PCDHA2: variants seen among roughly 807,000 people sequenced by gnomAD.
The protein encoded by PCDHA2 is protocadherin alpha 2.
PCDHA2 carries 58 observed loss-of-function variants against 66.0 expected under a neutral mutation model. That is an observed-to-expected ratio of 0.88 (90% confidence interval 0.71 to 1.09). PCDHA2 has a LOEUF of 1.09. PCDHA2 is among the 50% of genes least tolerant of loss of function. PCDHA2 has a pLI of 0.00. For missense variants in PCDHA2, 1,267 were observed against 1,242.3 expected, an observed-to-expected ratio of 1.02 and a Z score of -0.30; for synonymous variants, 634 against 554.0, an observed-to-expected ratio of 1.14 and a Z score of -2.03.
At position 140,797,176 on chromosome 5, in the gene PCDHA2, A is replaced by G. The variant is rs532139420; in HGVS notation, c.2212A>G (p.Thr738Ala). The change falls in exon 1 of 4, where the codon ACG (threonine) becomes GCG (alanine). Residue 738 changes from threonine (T) to alanine (A), a missense_variant. Transcript: ENST00000526136. ...GGGTGCGCGCGCGCCAGGAAAGCCCACGCTGGTGTGCTCCAGCGCCGTGGG... is the reference window on the plus strand; with the variant it reads ...GGGTGCGCGCGCGCCAGGAAAGCCCGCGCTGGTGTGCTCCAGCGCCGTGGG... ...TEGARAPGKPTLVCSSAVGSW... is the reference protein window; with the variant it reads ...TEGARAPGKPALVCSSAVGSW... The G allele has an allele frequency of 6.2e-7, 1 of 1,614,082 alleles. No individual in the cohort carries two copies. Among genetic ancestry groups the G allele is most frequent in the Non-Finnish European group, 8.5e-7 (1 of 1,180,032 alleles).
intron 1 of PCDHA2, among the ~76,000 whole-genome samples, chr5:140,912,874 G>T (rs2076102653): frequency 6.6e-6 from 1 of 152,026 alleles, no homozygotes; most frequent in Non-Finnish European, 1.5e-5. Context: ...TATGGTTTTT[G>T]GTCTTCATTC....
intron 1 of PCDHA2, chr5:140,853,122 T>A: frequency 1.9e-6 from 1 of 528,258 alleles, no homozygotes; most frequent in Non-Finnish European, 2.5e-6. Flanking sequence ...CTCATGATCC[T>A]CCCGCCTCAG....
intron 3 of PCDHA2, among the ~76,000 whole-genome samples, chr5:141,004,872 C>T (rs1242067093): frequency 6.6e-6 from 1 of 152,042 alleles, no homozygotes; most frequent in Non-Finnish European, 1.5e-5. Context: ...GTTTCTCATC[C>T]CTAAAGTGCT....
chr5:140,962,155 G>A (rs977043867), intron 1 of PCDHA2, among the ~76,000 whole-genome samples: 8 of 152,060 alleles, frequency 5.3e-5, no homozygotes, highest in South Asian at 2.1e-4. Flanking sequence ...GATTACAGGC[G>A]TGAGCCACCA....
chr5:141,007,915 A>G (rs561873534), intron 3 of PCDHA2, among the ~76,000 whole-genome samples: 5 of 152,308 alleles, frequency 3.3e-5, no homozygotes, highest in South Asian at 2.1e-4. Flanking sequence ...TGAAGATGCT[A>G]TATAAGCTGG....
At chr5:140,841,726 A>G (rs1777447763) in intron 1 of PCDHA2, 1 of 1,613,794 alleles carries the variant, frequency 6.2e-7, no homozygotes, top group African/African-American at 1.3e-5. Flanking sequence ...TGTTCCGGGT[A>G]AAAGACCAAA....
intron 1 of PCDHA2, among the ~76,000 whole-genome samples, chr5:140,961,280 C>G (rs246003): frequency 0.56 from 85,679 of 152,048 alleles, 24,751 homozygotes; most frequent in African/African-American, 0.69. Flanking sequence ...TACCATGGCT[C>G]TGTTTCTTGA....
intron 1 of PCDHA2, chr5:140,875,190 C>T (rs2055337617): frequency 4.0e-6 from 2 of 496,884 alleles, no homozygotes; most frequent in Admixed American, 4.0e-5. Flanking sequence ...TTAAGAGTGA[C>T]CCAGGAAGTG....
At position 140,969,519 on chromosome 5, in the gene PCDHA2, G is replaced by A. The variant is rs1586385280; in HGVS notation, c.2389-9430G>A. On this transcript the variant is annotated intron_variant, in intron 1 of 3. Transcript: ENST00000526136. ...TCTAGAAAAATAGCACTAAAGAATTGTTTTATTTTTCATTTTCAGAGGCAT... is the reference window on the plus strand; with the variant it reads ...TCTAGAAAAATAGCACTAAAGAATTATTTTATTTTTCATTTTCAGAGGCAT... The A allele has an allele frequency of 3.6e-6, 5 of 1,406,074 alleles. No individual in the cohort carries two copies. The East Asian group carries it at 1.3e-4, about 35-fold the overall frequency. 87.1% of individuals were successfully genotyped at this position (1,406,074 alleles called of 1,614,324 possible). A position where few individuals can be genotyped will look rare whatever the true frequency, so the allele number is the denominator to read the frequency against.
intron 1 of PCDHA2, chr5:140,841,237 C>A (rs1428420937): frequency 1.4e-5 from 21 of 1,479,664 alleles, no homozygotes; most frequent in Non-Finnish European, 1.9e-5. Context: ...GGAGATGCAG[C>A]GGAATTGGAT....
chr5:140,876,075 C>G, intron 1 of PCDHA2: 1 of 1,613,908 alleles, frequency 6.2e-7, no homozygotes, highest in Non-Finnish European at 8.5e-7. Context: ...AGTTATTGGA[C>G]AGAGAGCAAA....
intron 3 of PCDHA2, 162 bp downstream of exon 3, chr5:140,982,725 A>G (rs2096999365): frequency 1.1e-6 from 1 of 902,882 alleles, no homozygotes; most frequent in African/African-American, 1.8e-5. Flanking sequence ...GATTATTTTG[A>G]TTTTATACCT....
In PCDHA2 at chr5:140,797,367, T is replaced by G; in HGVS notation, c.2388+15T>G. On this transcript the variant is annotated intron_variant, in intron 1 of 3. Transcript: ENST00000526136. ...ACGTAGGAAAGGTGAGTCTTTTACTTTTTCTTGCCAATTCTAAAATTGTTC... is the reference window on the plus strand; with the variant it reads ...ACGTAGGAAAGGTGAGTCTTTTACTGTTTCTTGCCAATTCTAAAATTGTTC... The G allele has an allele frequency of 1.2e-6, 2 of 1,608,564 alleles. No individual in the cohort carries two copies. Among genetic ancestry groups the G allele is most frequent in the Non-Finnish European group, 1.7e-6 (2 of 1,176,916 alleles).
At chr5:140,967,511 G>T (rs1402187059) in intron 1 of PCDHA2, 2 of 1,612,876 alleles carry the variant, frequency 1.2e-6, no homozygotes, top group Non-Finnish European at 8.5e-7. Flanking sequence ...GCGTGTCCTG[G>T]ACACTAACGA....
chr5:140,961,445 C>T (rs772072156), intron 1 of PCDHA2, among the ~76,000 whole-genome samples: 1 of 152,214 alleles, frequency 6.6e-6, no homozygotes, highest in South Asian at 2.1e-4. Context: ...CCTAACTACA[C>T]TGTCTTGCAG....
At chr5:140,887,906 T>C (rs2061622663) in intron 1 of PCDHA2, among the ~76,000 whole-genome samples, 1 of 152,198 alleles carries the variant, frequency 6.6e-6, no homozygotes, top group Admixed American at 6.5e-5. Context: ...TCCTAAACAG[T>C]GTATTCTTCA....
chr5:140,852,028 T>A, intron 1 of PCDHA2: 1 of 943,108 alleles, frequency 1.1e-6, no homozygotes, highest in Non-Finnish European at 1.3e-6. Context: ...AAACTTCGCT[T>A]ATTGAGTTTT....
At chr5:140,872,638 G>A (rs1429990038) in intron 1 of PCDHA2, among the ~76,000 whole-genome samples, 2 of 152,092 alleles carry the variant, frequency 1.3e-5, no homozygotes, top group Admixed American at 1.3e-4. Flanking sequence ...TTTGTTCCAT[G>A]AAAAGGCAAG....
At chr5:140,880,084 T>TAGTA (rs2058231039) in intron 1 of PCDHA2, among the ~76,000 whole-genome samples, 1 of 152,208 alleles carries the variant, frequency 6.6e-6, no homozygotes. Context: ...CAACCTATTA[T>TAGTA]AGTAGGCTTA....
Sources: gnomAD v4.1 joint callset for allele counts (sites outside exome capture counted in the v4.1 genomes callset) on GRCh38, gnomAD v4.1.1 for gene constraint, MANE v1.5 for transcripts, NCBI Gene and HGNC (gene_info 2026-07-23, HGNC 2026-07-21) for gene names.